The following RABEP1 variants were observed in gnomAD, a reference collection of about 807,000 sequenced individuals.
RABEP1 encodes the protein rabaptin, RAB GTPase binding effector protein 1.
Under a neutral mutation model 123.4 loss-of-function variants are expected in RABEP1, and 51 were observed. The ratio of observed to expected loss-of-function variants is 0.41; its 90% CI spans 0.33 to 0.52. RABEP1 has a LOEUF of 0.52. Among genes scored for constraint, RABEP1 ranks in the 20% least tolerant of loss-of-function variants. The pLI is 0.16. For missense variants in RABEP1, 888 were observed against 996.3 expected (o/e 0.89, Z 1.46); for synonymous variants, 347 against 355.2 (o/e 0.98, Z 0.26).
In RABEP1 at chr17:5,298,951, G is replaced by A. The variant is rs115371162; in HGVS notation, c.35-9743G>A. On this transcript the variant is annotated intron_variant, in intron 1 of 17. Transcript: ENST00000537505. The stretch of plus-strand genomic sequence containing the variant: ...ATTACAGGCGTGAGCCACTGTGCCC[G>A]GCCTCCTCCAGGATTTTAAACTAGG... Among the ~76,000 whole-genome samples the A allele has an allele frequency of 8.3e-3, 1,254 of 151,802 alleles. 19 individuals carry two copies. The highest frequency in any genetic ancestry group is 0.028 in the African/African-American group (1,180 of 41,422).
At chr17:5,346,266 A>G (rs1199918379) in intron 5 of RABEP1, among the ~76,000 whole-genome samples, 1 of 152,140 alleles carries the variant, frequency 6.6e-6, no homozygotes, top group Non-Finnish European at 1.5e-5. Flanking sequence ...GAGACTAGTT[A>G]TTTGTTCCAT....
intron 1 of RABEP1, among the ~76,000 whole-genome samples, chr17:5,300,475 C>T (rs1419430374): frequency 6.6e-6 from 1 of 152,164 alleles, no homozygotes; most frequent in Admixed American, 6.5e-5. Context: ...TTGACCACCC[C>T]TACTGAGGTA....
chr17:5,335,134 AT>A (rs762470129), intron 3 of RABEP1, 49 bp from the exon 4 acceptor site: 328 of 1,431,502 alleles, frequency 2.3e-4, no homozygotes, highest in South Asian at 7.2e-4. Context: ...GTGCCAGGTT[AT>A]TTTTTTTTCA....
intron 2 of RABEP1, among the ~76,000 whole-genome samples, chr17:5,319,128 C>T (rs965217645): frequency 1.3e-5 from 2 of 151,644 alleles, no homozygotes; most frequent in Non-Finnish European, 2.9e-5. Flanking sequence ...TCGGGGGTTC[C>T]AGACCATCCT....
chr17:5,334,325 G>A (rs994211955), intron 3 of RABEP1, among the ~76,000 whole-genome samples: 1 of 151,774 alleles, frequency 6.6e-6, no homozygotes, highest in Non-Finnish European at 1.5e-5. Context: ...TCTGCCTCCC[G>A]GGTTCACGTG....
Position 5,379,334 on chromosome 17 carries a change from T to G in RABEP1, c.2272-1030T>G, listed in dbSNP as rs192496143. The stretch of plus-strand genomic sequence containing the variant: ...GGTGCTTTGACTGAGTATCTCCGAC[T>G]TTTCCAGATGTCCCCGCGCAGTGCC... On this transcript the variant is annotated intron_variant, in intron 15 of 17. Transcript: ENST00000537505. Among the ~76,000 whole-genome samples the G allele has an allele frequency of 8.5e-5, 13 of 152,342 alleles. No individual in the cohort carries two copies. The East Asian group carries it at 2.5e-3, about 29-fold the overall frequency.
In RABEP1 at chr17:5,361,227, G is replaced by A. The variant is rs758988027; in HGVS notation, c.1115G>A (p.Arg372His). ...SNEEEHLDST[R>H]GSVHSLDAGL... ...TTTCAGGAGCATTTAGACAGCACCC[G>A]TGGCTCAGTTCATTCCTTAGATGCA... Residue 372 changes from arginine to histidine, a missense_variant, in exon 9 of 18, where the codon CGT (arginine) becomes CAT (histidine). Coordinates refer to ENST00000537505, the MANE Select transcript of RABEP1 (RefSeq NM_004703.6). The A allele has an allele frequency of 8.1e-6, 13 of 1,613,890 alleles. No individual in the cohort carries two copies. The highest frequency in any genetic ancestry group is 1.0e-5 in the Non-Finnish European group (12 of 1,179,860).
At chr17:5,299,099 T>A (rs1186170105) in intron 1 of RABEP1, among the ~76,000 whole-genome samples, 1 of 152,180 alleles carries the variant, frequency 6.6e-6, no homozygotes, top group African/African-American at 2.4e-5. Flanking sequence ...TATTCCCCAG[T>A]TGTCGTGCGC....
intron 14 of RABEP1, 29 bp from the exon 15 acceptor site, chr17:5,378,148 G>C (rs767524567): frequency 6.6e-7 from 1 of 1,504,880 alleles, no homozygotes; most frequent in East Asian, 2.3e-5. Context: ...ATAGATGAAT[G>C]CTAATACATC....
At chr17:5,376,205 C>T (rs1910979296) in intron 13 of RABEP1, among the ~76,000 whole-genome samples, 1 of 152,138 alleles carries the variant, frequency 6.6e-6, no homozygotes, top group Non-Finnish European at 1.5e-5. Flanking sequence ...CCTGTAATCC[C>T]AGCACATTGG....
chr17:5,384,866 G>GCAAT lies in RABEP1; in HGVS notation c.*1648_*1651dup, dbSNP rs1257871353. The GCAAT allele has an allele frequency of 9.1e-6, 2 of 219,184 alleles. No homozygotes were observed. Among genetic ancestry groups the GCAAT allele is most frequent in the Admixed American group, 5.8e-5 (1 of 17,330 alleles). 13.6% of individuals were successfully genotyped at this position (219,184 alleles called of 1,614,324 possible). A position where few individuals can be genotyped will look rare whatever the true frequency, so the allele number is the denominator to read the frequency against. On this transcript the variant is annotated 3_prime_UTR_variant, in exon 18 of 18. Coordinates refer to ENST00000537505, the MANE Select transcript of RABEP1 (RefSeq NM_004703.6). ...CAGGGGATTTTATTAATTATAAAAT[G>GCAAT]CAATCAATTTAAATTACGTAGGTTT...
Position 5,361,652 on chromosome 17 carries a change from G to C in RABEP1, c.1540G>C (p.Glu514Gln). Residue 514 changes from glutamate to glutamine, a missense_variant, in exon 9 of 18, where the codon GAA (glutamate) becomes CAA (glutamine). Glu to Gln is a conservative substitution (Grantham distance 29, BLOSUM62 2). Coordinates refer to ENST00000537505, the MANE Select transcript of RABEP1 (RefSeq NM_004703.6). Reference sequence around the variant, plus strand: ...TGGTTATCGTTTAGTTAGTGAAACAGAATGGAATCTCTTGCAGAAAGAGGT... The same window carrying C: ...TGGTTATCGTTTAGTTAGTGAAACACAATGGAATCTCTTGCAGAAAGAGGT... Reference protein sequence around the residue: ...PSGYRLVSETEWNLLQKEVHN... With the variant: ...PSGYRLVSETQWNLLQKEVHN... 3 of 1,607,142 alleles carry C rather than the reference G, an allele frequency of 1.9e-6. No individual in the cohort carries two copies. The highest frequency in any genetic ancestry group is 1.1e-5 in the South Asian group (1 of 89,872).
intron 1 of RABEP1, among the ~76,000 whole-genome samples, chr17:5,308,089 A>T (rs935521896): frequency 2.0e-5 from 3 of 152,108 alleles, no homozygotes; most frequent in African/African-American, 7.2e-5. Context: ...TCTAAAATTA[A>T]ATTGCTATTC....
intron 1 of RABEP1, among the ~76,000 whole-genome samples, chr17:5,288,591 C>T (rs1341153691): frequency 6.6e-6 from 1 of 152,014 alleles, no homozygotes; most frequent in Admixed American, 6.6e-5. Flanking sequence ...GATGAGGTTT[C>T]GCCATGTTCG....
At chr17:5,296,282 A>G (rs1359337657) in intron 1 of RABEP1, among the ~76,000 whole-genome samples, 1 of 151,808 alleles carries the variant, frequency 6.6e-6, no homozygotes, top group East Asian at 1.9e-4. Context: ...TGTTTGTTTA[A>G]GGCAGAGTTT....
rs533468119 is a variant in RABEP1, at chr17:5,319,196, G to T, written c.163+10374G>T. Reference sequence around the variant, plus strand: ...ATACAAAAAATTAACCGGGTGTGGTGGTGCACACCTGTAATCCCAGCTACT... The same window carrying T: ...ATACAAAAAATTAACCGGGTGTGGTTGTGCACACCTGTAATCCCAGCTACT... On this transcript the variant is annotated intron_variant, in intron 2 of 17. Coordinates refer to ENST00000537505, the MANE Select transcript of RABEP1 (RefSeq NM_004703.6). Among the ~76,000 whole-genome samples, 104 of 151,536 alleles carry T rather than the reference G, an allele frequency of 6.9e-4. No individual in the cohort carries two copies. In the East Asian group the frequency reaches 9.1e-3, roughly 13 times the overall value.
At chr17:5,329,638 C>G (rs1291459600) in intron 2 of RABEP1, among the ~76,000 whole-genome samples, 2 of 151,674 alleles carry the variant, frequency 1.3e-5, no homozygotes, top group East Asian at 3.8e-4. Flanking sequence ...GTTTGAAAAT[C>G]TTAATAATTA....
intron 7 of RABEP1, among the ~76,000 whole-genome samples, chr17:5,354,100 A>G (rs1383147941): frequency 6.6e-6 from 1 of 151,798 alleles, no homozygotes; most frequent in Non-Finnish European, 1.5e-5. Context: ...ATTTTGCCTT[A>G]CTTTATACAG....
At chr17:5,364,710 CAA>C (rs200314940) in intron 10 of RABEP1, among the ~76,000 whole-genome samples, 144 of 112,584 alleles carry the variant, frequency 1.3e-3, no homozygotes, top group Admixed American at 1.4e-3. Flanking sequence ...ACTCTTGTCT[CAA>C]AAAAAAAAAA....
Sources: gnomAD v4.1 joint callset for allele counts (sites outside exome capture counted in the v4.1 genomes callset) on GRCh38, gnomAD v4.1.1 for gene constraint, MANE v1.5 for transcripts, NCBI Gene and HGNC (gene_info 2026-07-23, HGNC 2026-07-21) for gene names.